Variants in DCC observed in about 807,000 individuals in gnomAD.
The protein encoded by DCC is DCC netrin 1 receptor, also known as netrin receptor DCC.
Under a neutral mutation model 172.5 loss-of-function variants are expected in DCC, and 58 were observed. That is an observed-to-expected ratio of 0.34 (90% CI 0.27 to 0.42). The LOEUF is 0.42. Among genes scored for constraint, DCC ranks in the 10% least tolerant of loss-of-function variants. DCC has a pLI of 1.00. For missense variants in DCC, 1,740 were observed against 1,791.0 expected, an observed-to-expected ratio of 0.97 and a Z score of 0.51; for synonymous variants, 709 against 644.5, an observed-to-expected ratio of 1.10 and a Z score of -1.52.
intron 1 of DCC, among the ~76,000 whole-genome samples, chr18:52,539,218 A>G (rs1240293798): frequency 6.6e-6 from 1 of 152,198 alleles, no homozygotes; most frequent in Non-Finnish European, 1.5e-5. Flanking sequence ...GAGATATTTT[A>G]AGATTTAATG....
At chr18:52,565,401 T>C (rs1193792654) in intron 1 of DCC, among the ~76,000 whole-genome samples, 1 of 152,164 alleles carries the variant, frequency 6.6e-6, no homozygotes, top group Non-Finnish European at 1.5e-5. Flanking sequence ...TTCTAGATCC[T>C]TGAGGAATCG....
At chr18:52,793,208 T>C (rs1427598894) in intron 2 of DCC, among the ~76,000 whole-genome samples, 1 of 152,200 alleles carries the variant, frequency 6.6e-6, no homozygotes, top group Non-Finnish European at 1.5e-5. Context: ...GCAAATGGAC[T>C]TTCCGGTTGA....
chr18:52,510,314 C>A (rs920784390), intron 1 of DCC, among the ~76,000 whole-genome samples: 1 of 152,112 alleles, frequency 6.6e-6, no homozygotes, highest in African/African-American at 2.4e-5. Flanking sequence ...CTGGAACTGG[C>A]CTTGCTTCTC....
At chr18:53,274,972 T>C (rs1253816326) in intron 12 of DCC, among the ~76,000 whole-genome samples, 2 of 152,142 alleles carry the variant, frequency 1.3e-5, no homozygotes, top group Non-Finnish European at 2.9e-5. Context: ...ATGTATTTGT[T>C]TCAACTATAA....
At chr18:52,558,689 C>T (rs113168055) in intron 1 of DCC, among the ~76,000 whole-genome samples, 1 of 152,098 alleles carries the variant, frequency 6.6e-6, no homozygotes, top group Non-Finnish European at 1.5e-5. Flanking sequence ...GGAAGGAGAA[C>T]CCGGGTCTCC....
At chr18:52,923,986 C>A in intron 4 of DCC, 129 bp downstream of exon 4, 1 of 736,338 alleles carries the variant, frequency 1.4e-6, no homozygotes, top group African/African-American at 1.8e-5. Context: ...TATTTTTCCA[C>A]ATTTCTTGGC....
intron 1 of DCC, among the ~76,000 whole-genome samples, chr18:52,357,862 C>A (rs914853205): frequency 5.1e-4 from 77 of 151,068 alleles, no homozygotes; most frequent in African/African-American, 1.9e-3. Context: ...GGTGTGAACC[C>A]ACGAGGCGGA....
At chr18:53,389,972 G>A (rs3794917) in intron 16 of DCC, among the ~76,000 whole-genome samples, 3 of 151,956 alleles carry the variant, frequency 2.0e-5, no homozygotes, top group African/African-American at 4.8e-5. Flanking sequence ...ATTAGAAAAC[G>A]TCCCATATGT....
At chr18:52,846,740 A>G (rs1299929122) in intron 2 of DCC, among the ~76,000 whole-genome samples, 1 of 151,904 alleles carries the variant, frequency 6.6e-6, no homozygotes. Context: ...TTTTAAACTA[A>G]GAAAAAGGAG....
chr18:52,552,387 T>C (rs2032800492), intron 1 of DCC, among the ~76,000 whole-genome samples: 1 of 151,914 alleles, frequency 6.6e-6, no homozygotes, highest in South Asian at 2.1e-4. Flanking sequence ...AGGGCCTGAG[T>C]TGAGGATACA....
At chr18:53,259,972 C>T (rs1037583162) in intron 12 of DCC, among the ~76,000 whole-genome samples, 4 of 152,098 alleles carry the variant, frequency 2.6e-5, no homozygotes, top group Admixed American at 2.6e-4. Context: ...ATCACTGATA[C>T]CCTTTCTTCC....
At chr18:53,117,457 A>G (rs903304570) in intron 7 of DCC, among the ~76,000 whole-genome samples, 1 of 151,636 alleles carries the variant, frequency 6.6e-6, no homozygotes, top group Non-Finnish European at 1.5e-5. Flanking sequence ...TCTTCTCCCA[A>G]ACTTTTATTT....
At chr18:53,194,504 G>T (rs1157142540) in intron 9 of DCC, among the ~76,000 whole-genome samples, 1 of 151,742 alleles carries the variant, frequency 6.6e-6, no homozygotes, top group African/African-American at 2.4e-5. Context: ...GTCTTGCTCT[G>T]TTGCCCAGGC....
At chr18:52,850,398 A>C (rs2038957241) in intron 2 of DCC, among the ~76,000 whole-genome samples, 1 of 152,140 alleles carries the variant, frequency 6.6e-6, no homozygotes, top group East Asian at 1.9e-4. Flanking sequence ...CTGTATTTTT[A>C]ACTGGTGTAT....
chr18:52,804,789 G>A (rs1249908878), intron 2 of DCC, among the ~76,000 whole-genome samples: 1 of 152,134 alleles, frequency 6.6e-6, no homozygotes, highest in South Asian at 2.1e-4. Flanking sequence ...TCACCATGTT[G>A]GCCAGGATGA....
chr18:52,739,403 G>T (rs1248397389), intron 1 of DCC, among the ~76,000 whole-genome samples: 1 of 152,086 alleles, frequency 6.6e-6, no homozygotes, highest in Non-Finnish European at 1.5e-5. Context: ...AATAGGCAAG[G>T]GTTCCCAGGG....
chr18:53,444,574 G>GCCATCAACATAAAGGCAAAAGCCT (rs1162225779), intron 22 of DCC, among the ~76,000 whole-genome samples: 6 of 152,164 alleles, frequency 3.9e-5, no homozygotes, highest in African/African-American at 1.2e-4. Context: ...TCACTCAGCA[G>GCCATCAACATAAAGGCAAAAGCCT]CCATCAACAT....
intron 1 of DCC, among the ~76,000 whole-genome samples, chr18:52,509,245 T>C (rs981932536): frequency 6.6e-6 from 1 of 152,228 alleles, no homozygotes; most frequent in Non-Finnish European, 1.5e-5. Context: ...TTTTAGCTCA[T>C]TGGTAAATGT....
At chr18:53,113,927 TAG>T (rs983715264) in intron 7 of DCC, among the ~76,000 whole-genome samples, 5 of 151,496 alleles carry the variant, frequency 3.3e-5, no homozygotes, top group African/African-American at 1.2e-4. Flanking sequence ...TTTACTATAT[TAG>T]AGTCATATTT....
Sources: gnomAD v4.1 joint callset for allele counts (sites outside exome capture counted in the v4.1 genomes callset) on GRCh38, gnomAD v4.1.1 for gene constraint, MANE v1.5 for transcripts, NCBI Gene and HGNC (gene_info 2026-07-23, HGNC 2026-07-21) for gene names.